The following PARD3B variants were observed in gnomAD, a reference collection of about 807,000 sequenced individuals.
The protein encoded by PARD3B is par-3 family cell polarity regulator beta, also known as partitioning defective 3 homolog B.
A neutral mutation model predicts 130.2 loss-of-function variants in PARD3B; 103 were observed. The ratio of observed to expected loss-of-function variants is 0.79; its 90% CI spans 0.67 to 0.93. The LOEUF (loss-of-function observed/expected upper bound fraction) is 0.93. Among genes scored for constraint, PARD3B ranks in the 40% least tolerant of loss-of-function variants. The pLI is 0.00. For missense variants in PARD3B, 1,609 were observed against 1,499.2 expected (o/e 1.07, Z -1.21); for synonymous variants, 583 against 553.2 (o/e 1.05, Z -0.76).
chr2:205,523,450 G>C (rs551237150), intron 21 of PARD3B, among the ~76,000 whole-genome samples: 40 of 151,700 alleles, frequency 2.6e-4, no homozygotes, highest in African/African-American at 8.7e-4. Context: ...CACCATCTTG[G>C]CCAGGCTGGT....
chr2:205,310,735 T>G (rs1201282021), intron 18 of PARD3B, among the ~76,000 whole-genome samples: 4 of 138,412 alleles, frequency 2.9e-5, no homozygotes, highest in Admixed American at 7.2e-5. Context: ...TTTTTTTTTT[T>G]TTTTTTGAGA....
intron 18 of PARD3B, among the ~76,000 whole-genome samples, chr2:205,380,125 T>TATATATATTATATGAAGA (rs1559032321): frequency 2.1e-5 from 2 of 97,330 alleles, no homozygotes; most frequent in African/African-American, 3.4e-5. Context: ...CATAATATAT[T>TATATATATTATATGAAGA]ATATATATTA....
chr2:205,354,077 G>A (rs1460969286), intron 18 of PARD3B, among the ~76,000 whole-genome samples: 5 of 131,224 alleles, frequency 3.8e-5, no homozygotes, highest in Non-Finnish European at 7.7e-5. Context: ...CTGTTGCCCA[G>A]GCTGGAGTGC....
In PARD3B at chr2:205,461,621, C is replaced by T. The variant is rs2048458233; in HGVS notation, c.3044+20949C>T. ...TTATTAATGTGATAAATGTTTGCTC[C>T]TTGGTCAACTTTTAGTGGTCCTAGA... is the stretch of plus-strand genomic sequence containing the variant. On this transcript the variant is annotated intron_variant, in intron 20 of 22. Transcript: ENST00000406610. The surrounding 1 kb of genome is among the most constrained non-coding windows in gnomAD (Gnocchi z 4.3). Among the ~76,000 whole-genome samples, 1 of 152,134 alleles carries T rather than the reference C, an allele frequency of 6.6e-6. No homozygotes were observed. Among genetic ancestry groups the T allele is most frequent in the Admixed American group, 6.5e-5 (1 of 15,270 alleles).
At chr2:204,836,890 T>C (rs2044055133) in intron 2 of PARD3B, among the ~76,000 whole-genome samples, 1 of 152,242 alleles carries the variant, frequency 6.6e-6, no homozygotes, top group Non-Finnish European at 1.5e-5. Flanking sequence ...AGTGATCATG[T>C]ATTTTATTAT....
intron 1 of PARD3B, among the ~76,000 whole-genome samples, chr2:204,586,638 A>G (rs552438741): frequency 1.3e-5 from 2 of 152,028 alleles, no homozygotes; most frequent in African/African-American, 4.8e-5. Context: ...CAGAAAGAAC[A>G]TGTAGGTCTC....
intron 1 of PARD3B, among the ~76,000 whole-genome samples, chr2:204,617,145 C>A (rs146122824): frequency 2.4e-4 from 36 of 152,198 alleles, no homozygotes; most frequent in Non-Finnish European, 3.4e-4. Flanking sequence ...ATTATTCTTC[C>A]TTCTGGAAAG....
chr2:205,104,992 T>C (rs1258807799), intron 5 of PARD3B, among the ~76,000 whole-genome samples: 2 of 152,222 alleles, frequency 1.3e-5, no homozygotes, highest in African/African-American at 4.8e-5. Context: ...GGGTTTTTCA[T>C]GTTCTTAATG....
intron 21 of PARD3B, among the ~76,000 whole-genome samples, chr2:205,503,811 G>A (rs1469411990): frequency 6.6e-6 from 1 of 152,062 alleles, no homozygotes; most frequent in African/African-American, 2.4e-5. Context: ...CATGAGCATG[G>A]AATGTTCTTC....
In PARD3B at chr2:204,623,176, A is replaced by C. The variant is rs534349853; in HGVS notation, c.121-63005A>C. 1.3e-5 allele frequency among the ~76,000 whole-genome samples: 2 copies of C among 152,298 alleles called. No homozygotes were observed. Among genetic ancestry groups the C allele is most frequent in the South Asian group, 4.1e-4 (2 of 4,826 alleles). On this transcript the variant is annotated intron_variant, in intron 1 of 22. Transcript: ENST00000406610. The surrounding 1 kb of genome is among the most constrained non-coding windows in gnomAD (Gnocchi z 4.5). Reference sequence around the variant, plus strand: ...TTGAAATAATTATAGATTCACAGGAAATTTCAAAGATACCACAGGGAGGTC... The same window carrying C: ...TTGAAATAATTATAGATTCACAGGACATTTCAAAGATACCACAGGGAGGTC...
chr2:205,064,595 G>A (rs915277152), intron 4 of PARD3B, among the ~76,000 whole-genome samples: 6 of 152,140 alleles, frequency 3.9e-5, no homozygotes, highest in Non-Finnish European at 7.3e-5. Context: ...TGGGAGAAGA[G>A]CAGTTTTCAC....
chr2:204,644,409 C>A (rs2035201005), intron 1 of PARD3B, among the ~76,000 whole-genome samples: 1 of 152,044 alleles, frequency 6.6e-6, no homozygotes, highest in Admixed American at 6.6e-5. Context: ...TGCCGAGGTG[C>A]CCATTTTGCT....
rs1208566423 is a variant in PARD3B at position 204,664,133 on chromosome 2, T to A, written c.121-22048T>A. 1.3e-5 allele frequency among the ~76,000 whole-genome samples: 2 copies of A among 152,196 alleles called. No homozygotes were observed. Among genetic ancestry groups the A allele is most frequent in the Non-Finnish European group, 2.9e-5 (2 of 68,028 alleles). Reference sequence around the variant, plus strand: ...ATGTTCTAACCCCATGACTGTCTAATAGCTTACATATATGTTGGGTAGTAA... The same window carrying A: ...ATGTTCTAACCCCATGACTGTCTAAAAGCTTACATATATGTTGGGTAGTAA... On this transcript the variant is annotated intron_variant, in intron 1 of 22. Coordinates refer to ENST00000406610, the MANE Select transcript of PARD3B (RefSeq NM_001302769.2). The surrounding 1 kb of genome is among the most constrained non-coding windows in gnomAD (Gnocchi z 5.2).
chr2:204,548,496 G>A (rs756345412), intron 1 of PARD3B, among the ~76,000 whole-genome samples: 25 of 152,238 alleles, frequency 1.6e-4, no homozygotes, highest in Non-Finnish European at 2.2e-4. Flanking sequence ...CGTAGATTTG[G>A]GTTTAGAAAC....
chr2:204,557,881 A>G (rs1201170176), intron 1 of PARD3B: 1 of 152,208 alleles, frequency 6.6e-6, no homozygotes, highest in Admixed American at 6.5e-5. Context: ...ATGAAGCAAC[A>G]TAATGTTTTT....
In PARD3B at chr2:204,851,736, T is replaced by G. The variant is rs560396489; in HGVS notation, c.223-113416T>G. Among the ~76,000 whole-genome samples the G allele has an allele frequency of 1.8e-4, 28 of 152,212 alleles. No homozygotes were observed. The South Asian group carries it at 5.4e-3, about 29-fold the overall frequency. On this transcript the variant is annotated intron_variant, in intron 2 of 22. Coordinates refer to ENST00000406610, the MANE Select transcript of PARD3B (RefSeq NM_001302769.2). ...AGAATAAAAACACATGGATGTAGCA[T>G]TTGACAATCCTTTTTTTTTTTTCTC...
At chr2:205,547,322 T>C (rs1478456436) in intron 21 of PARD3B, among the ~76,000 whole-genome samples, 1 of 152,184 alleles carries the variant, frequency 6.6e-6, no homozygotes. Flanking sequence ...TCACTCTCAA[T>C]AAACCACCAA....
chr2:205,068,950 C>T (rs1023973953), intron 4 of PARD3B, among the ~76,000 whole-genome samples: 1 of 151,994 alleles, frequency 6.6e-6, no homozygotes, highest in African/African-American at 2.4e-5. Flanking sequence ...CTTTTGTAAA[C>T]ATTCAACATG....
rs145238766 is a variant in PARD3B, at chr2:204,782,440, A to G, written c.222+96158A>G. ...GTATTGTGTGTAATATAGACACATTACACATAAGTATTATATATGTAATAT... is the reference window on the plus strand; with the variant it reads ...GTATTGTGTGTAATATAGACACATTGCACATAAGTATTATATATGTAATAT... On this transcript the variant is annotated intron_variant, in intron 2 of 22. Coordinates refer to ENST00000406610, the MANE Select transcript of PARD3B (RefSeq NM_001302769.2). Among the ~76,000 whole-genome samples the G allele has an allele frequency of 2.9e-3, 442 of 151,480 alleles. 2 individuals carry two copies. The highest frequency in any genetic ancestry group is 8.1e-3 in the African/African-American group (337 of 41,370).
Sources: allele counts gnomAD v4.1 joint callset (sites outside exome capture counted in the v4.1 genomes callset), GRCh38; gene constraint gnomAD v4.1.1; non-coding constraint Gnocchi (gnomAD v3.1); transcripts MANE v1.5; gene names NCBI Gene and HGNC (gene_info 2026-07-23, HGNC 2026-07-21).